The following ENPP6 variants were observed in gnomAD, a reference collection of about 807,000 sequenced individuals.
ENPP6 encodes ectonucleotide pyrophosphatase/phosphodiesterase 6.
ENPP6 carries 32 observed loss-of-function variants against 42.0 expected under a neutral mutation model. That is an observed-to-expected ratio of 0.76 (90% confidence interval 0.58 to 1.02). The LOEUF (loss-of-function observed/expected upper bound fraction) is 1.02. ENPP6 is among the 50% of genes least tolerant of loss of function. ENPP6 has a pLI of 0.00. For synonymous variants in ENPP6, 213 were observed against 216.0 expected, an observed-to-expected ratio of 0.99 and a Z score of 0.12; for missense variants, 552 against 566.8, an observed-to-expected ratio of 0.97 and a Z score of 0.27.
chr4:184,091,549 G>A (rs989438452), intron 7 of ENPP6, among the ~76,000 whole-genome samples, 167 bp from the exon 8 acceptor site: 7 of 152,088 alleles, frequency 4.6e-5, no homozygotes, highest in Admixed American at 1.3e-4. Context: ...AAGGGTATCC[G>A]GAAGGCTGTA....
intron 1 of ENPP6, among the ~76,000 whole-genome samples, chr4:184,177,597 T>C (rs771204903): frequency 3.3e-5 from 5 of 152,178 alleles, no homozygotes; most frequent in Non-Finnish European, 7.4e-5. Flanking sequence ...AGACACCTTA[T>C]ACAGGAGCAT....
At chr4:184,135,557 A>C (rs1425008426) in intron 2 of ENPP6, among the ~76,000 whole-genome samples, 1 of 152,200 alleles carries the variant, frequency 6.6e-6, no homozygotes, top group Non-Finnish European at 1.5e-5. Context: ...TATTACTTTC[A>C]ACTTTCTGCA....
At position 184,192,574 on chromosome 4, in the gene ENPP6, C is replaced by T. The variant is rs550433191; in HGVS notation, c.241+25005G>A. On this transcript the variant is annotated intron_variant, in intron 1 of 7. Coordinates refer to ENST00000296741, the MANE Select transcript of ENPP6 (RefSeq NM_153343.4). ...TAGTTATGACACAAAAAGTACAAGT[C>T]GTAAAAGGAAAAGTTGATAAATAGG... Among the ~76,000 whole-genome samples the T allele has an allele frequency of 7.2e-5, 11 of 152,064 alleles. No homozygotes were observed. In the South Asian group the frequency reaches 8.3e-4, roughly 12 times the overall value.
intron 6 of ENPP6, among the ~76,000 whole-genome samples, chr4:184,112,133 C>T (rs1185124507): frequency 6.6e-6 from 1 of 152,172 alleles, no homozygotes; most frequent in East Asian, 1.9e-4. Context: ...AAGCTGATGC[C>T]AGAGCTGGAT....
rs1346440074 is a variant in ENPP6, at chr4:184,097,341, T to C, written c.1021A>G (p.Asn341Asp). ...ENREMLPFWM[N>D]STGRREGWQR... is the part of the protein sequence containing the mutation. The stretch of plus-strand genomic sequence containing the variant: ...CAACCTTCCCGCCTGCCGGTGCTGT[T>C]CATCCAAAACGGAAGCATCTCTCGA... The change falls in exon 7 of 8, where the codon AAC becomes GAC. Residue 341 changes from asparagine (N) to aspartate (D), a missense_variant. Asn to Asp is a conservative substitution (Grantham distance 23). Transcript: ENST00000296741. The C allele has an allele frequency of 1.2e-6, 2 of 1,614,054 alleles. No homozygotes were observed. The highest frequency in any genetic ancestry group is 1.7e-6 in the Non-Finnish European group (2 of 1,180,018).
chr4:184,217,320 A>G (rs1275842069), intron 1 of ENPP6, among the ~76,000 whole-genome samples: 2 of 152,360 alleles, frequency 1.3e-5, no homozygotes, highest in Non-Finnish European at 1.5e-5. Flanking sequence ...ATATCGTCAA[A>G]TATCATGTAC....
chr4:184,145,590 A>G (rs58764204), intron 2 of ENPP6, among the ~76,000 whole-genome samples: 33,792 of 152,188 alleles, frequency 0.22, 4,028 homozygotes, highest in South Asian at 0.31. Flanking sequence ...GGGCTGTGGC[A>G]CATTCCGACT....
chr4:184,206,076 A>T lies in ENPP6; in HGVS notation c.241+11503T>A, dbSNP rs543491720. On this transcript the variant is annotated intron_variant, in intron 1 of 7. Coordinates refer to ENST00000296741, the MANE Select transcript of ENPP6 (RefSeq NM_153343.4). ...CAGGAAGAGGGCATGCCGAACAGAGATCATTTATTTCAGGAGGTACCTACA... is the reference window on the plus strand; with the variant it reads ...CAGGAAGAGGGCATGCCGAACAGAGTTCATTTATTTCAGGAGGTACCTACA... Among the ~76,000 whole-genome samples, 95 of 152,022 alleles carry T rather than the reference A, an allele frequency of 6.2e-4. 1 individual carries two copies. Among genetic ancestry groups the T allele is most frequent in the African/African-American group, 2.2e-3 (91 of 41,446 alleles).
At chr4:184,200,470 C>T (rs1732875913) in intron 1 of ENPP6, among the ~76,000 whole-genome samples, 1 of 152,206 alleles carries the variant, frequency 6.6e-6, no homozygotes, top group South Asian at 2.1e-4. Context: ...ACCTTTTTGG[C>T]TTCGGTTGGG....
At chr4:184,158,523 TTA>T (rs1273748784) in intron 1 of ENPP6, among the ~76,000 whole-genome samples, 6 of 152,186 alleles carry the variant, frequency 3.9e-5, no homozygotes, top group Admixed American at 3.9e-4. Context: ...CAATTATAAT[TTA>T]TGAGTATTTT....
At chr4:184,139,431 G>A (rs1270004560) in intron 2 of ENPP6, among the ~76,000 whole-genome samples, 2 of 146,898 alleles carry the variant, frequency 1.4e-5, no homozygotes, top group Non-Finnish European at 3.0e-5. Context: ...ATGTATACAT[G>A]TGCCATGCTG....
intron 6 of ENPP6, among the ~76,000 whole-genome samples, chr4:184,107,041 C>G (rs950443299): frequency 3.9e-5 from 6 of 152,190 alleles, no homozygotes; most frequent in Non-Finnish European, 7.3e-5. Flanking sequence ...TGTCCCTGGC[C>G]CACCGTGACA....
rs376745018 is a variant in ENPP6 at position 184,165,112 on chromosome 4, T to C, written c.242-11379A>G. On this transcript the variant is annotated intron_variant, in intron 1 of 7. Coordinates refer to ENST00000296741, the MANE Select transcript of ENPP6 (RefSeq NM_153343.4). The stretch of plus-strand genomic sequence containing the variant: ...GGGCTGAGCCCACTGAGGAAGCGCT[T>C]TACCTGGGACTCTGGAGGGGTGAAG... Among the ~76,000 whole-genome samples the C allele has an allele frequency of 7.8e-4, 119 of 152,252 alleles. 2 individuals are homozygous for C. The highest frequency in any genetic ancestry group is 2.8e-3 in the African/African-American group (115 of 41,540).
chr4:184,160,124 T>C (rs750271552), intron 1 of ENPP6, among the ~76,000 whole-genome samples: 7 of 152,234 alleles, frequency 4.6e-5, no homozygotes, highest in Non-Finnish European at 7.3e-5. Context: ...CATGTGCAAG[T>C]GTCTTTTTTA....
At chr4:184,147,197 C>A (rs113969789) in intron 2 of ENPP6, among the ~76,000 whole-genome samples, 1 of 152,220 alleles carries the variant, frequency 6.6e-6, no homozygotes, top group African/African-American at 2.4e-5. Flanking sequence ...ACCGTCCAAT[C>A]CCTTACTCCC....
intron 6 of ENPP6, among the ~76,000 whole-genome samples, chr4:184,099,610 A>G (rs1430163895): frequency 1.3e-5 from 2 of 152,134 alleles, no homozygotes; most frequent in Non-Finnish European, 2.9e-5. Flanking sequence ...CTGTCATATC[A>G]CATTGCACAG....
chr4:184,148,773 T>C (rs1444857364), intron 2 of ENPP6, among the ~76,000 whole-genome samples: 1 of 152,234 alleles, frequency 6.6e-6, no homozygotes, highest in Non-Finnish European at 1.5e-5. Flanking sequence ...TTGATGAGTT[T>C]TTAACACATT....
At chr4:184,157,935 A>T (rs1022758577) in intron 1 of ENPP6, among the ~76,000 whole-genome samples, 1 of 152,070 alleles carries the variant, frequency 6.6e-6, no homozygotes, top group Non-Finnish European at 1.5e-5. Context: ...TCTCTTTAAC[A>T]GTGGACATCT....
At chr4:184,093,653 A>AATG (rs1442541558) in intron 7 of ENPP6, among the ~76,000 whole-genome samples, 2 of 145,088 alleles carry the variant, frequency 1.4e-5, no homozygotes, top group Non-Finnish European at 3.0e-5. Context: ...TAATAATAAT[A>AATG]ATAATAATAA....
Sources: allele counts gnomAD v4.1 joint callset (sites outside exome capture counted in the v4.1 genomes callset), GRCh38; gene constraint gnomAD v4.1.1; transcripts MANE v1.5; gene names NCBI Gene and HGNC (gene_info 2026-07-23, HGNC 2026-07-21).